CACYBP: variants seen among roughly 807,000 people sequenced by gnomAD.
CACYBP encodes the protein calcyclin-binding protein.
In CACYBP, 11 loss-of-function variants were observed where a neutral mutation model predicts 29.6. The observed-to-expected ratio is 0.37, with a 90% CI of 0.23 to 0.61. CACYBP has a LOEUF of 0.61. CACYBP is among the 20% of genes least tolerant of loss of function. The probability of loss-of-function intolerance (pLI) is 0.65; values close to 1 mark genes in which losing one functional copy is unlikely to be tolerated. For synonymous variants in CACYBP, 73 were observed against 88.3 expected (o/e 0.83, Z 0.97); for missense variants, 163 against 260.7 (o/e 0.63, Z 2.58).
chr1:175,001,207 T>C (rs966819392), intron 1 of CACYBP, among the ~76,000 whole-genome samples: 1 of 152,212 alleles, frequency 6.6e-6, no homozygotes, highest in Admixed American at 6.5e-5. Flanking sequence ...CCCTAGGAGA[T>C]AACTTCACAG....
intron 1 of CACYBP, chr1:175,000,510 C>T (rs902462974): frequency 7.0e-6 from 9 of 1,278,886 alleles, no homozygotes; most frequent in African/African-American, 3.2e-5. Flanking sequence ...CCCTTTCTGC[C>T]CTGGTTTCCC....
At chr1:175,007,494 T>C (rs1333118151) in intron 4 of CACYBP, among the ~76,000 whole-genome samples, 1 of 152,216 alleles carries the variant, frequency 6.6e-6, no homozygotes, top group South Asian at 2.1e-4. Flanking sequence ...TTTTGTAGAA[T>C]AGGCTATTGT....
Position 174,999,990 on chromosome 1 carries a change from T to C in CACYBP, c.-191T>C, listed in dbSNP as rs1013109061. The C allele has an allele frequency of 1.3e-6, 1 of 768,218 alleles. No homozygotes were observed. The highest frequency in any genetic ancestry group is 2.7e-5 in the Admixed American group (1 of 37,304). 47.6% of individuals were successfully genotyped at this position (768,218 alleles called of 1,614,324 possible). On this transcript the variant is annotated 5_prime_UTR_variant, in exon 1 of 6. Coordinates refer to ENST00000367679, the MANE Select transcript of CACYBP (RefSeq NM_014412.3). ...GCGGTGGGCGGTGGCGGCGGCTGCC[T>C]CGCGAAGGTTCGAGATCCGTCGCGT...
chr1:174,999,970 G>GGGCGGT lies in CACYBP; in HGVS notation c.-205_-200dup. On this transcript the variant is annotated 5_prime_UTR_variant, in exon 1 of 6. Transcript: ENST00000367679. ...TTGGCGGGCTGTGCGTGCTCGCGGT[G>GGGCGGT]GGCGGTGGCGGCGGCTGCCTCGCGA... The GGGCGGT allele has an allele frequency of 3.1e-6, 2 of 652,292 alleles. No homozygotes were observed. The highest frequency in any genetic ancestry group is 5.1e-6 in the Non-Finnish European group (2 of 390,394). The allele number at this position is 652,292 out of a possible 1,614,324, so 40.4% of individuals were successfully genotyped here. A position where few individuals can be genotyped will look rare whatever the true frequency, so the allele number is the denominator to read the frequency against.
At chr1:175,004,126 A>G (rs1362767389) in intron 1 of CACYBP, among the ~76,000 whole-genome samples, 1 of 152,164 alleles carries the variant, frequency 6.6e-6, no homozygotes, top group Non-Finnish European at 1.5e-5. Context: ...ATGAAGACCA[A>G]TCAGTGACAG....
chr1:175,008,965 AGG>A (rs933844508), intron 5 of CACYBP: 29 of 377,490 alleles, frequency 7.7e-5, no homozygotes, highest in South Asian at 6.3e-4. Flanking sequence ...GTAGTTTGAG[AGG>A]GGCTTAGGTA....
At chr1:175,006,984 C>G in intron 3 of CACYBP, 114 bp from the exon 4 acceptor site, 6 of 854,956 alleles carry the variant, frequency 7.0e-6, no homozygotes, top group Non-Finnish European at 1.1e-5. Context: ...TGAGCGTTAA[C>G]TGGCCAAATG....
Position 175,000,169 on chromosome 1 carries a change from G to A in CACYBP, c.-12G>A. ...CGGCTGCAGCTCGGGACTTCGGCCTGACCCAGCCCCCATGGCTTCAGAAGA... is the reference window on the plus strand; with the variant it reads ...CGGCTGCAGCTCGGGACTTCGGCCTAACCCAGCCCCCATGGCTTCAGAAGA... On this transcript the variant is annotated 5_prime_UTR_variant, in exon 1 of 6. Transcript: ENST00000367679. 1 of 1,607,074 alleles carries A rather than the reference G, an allele frequency of 6.2e-7. No homozygotes were observed. Among genetic ancestry groups the A allele is most frequent in the Non-Finnish European group, 8.5e-7 (1 of 1,176,804 alleles).
rs1002758364 is a variant in CACYBP, at chr1:175,010,780, AAAGTT to A, written c.*707_*711del. 2.0e-5 allele frequency: 3 copies of A among 152,202 alleles called. No homozygotes were observed. Among genetic ancestry groups the A allele is most frequent in the Non-Finnish European group, 2.9e-5 (2 of 68,044 alleles). 9.4% of individuals were successfully genotyped at this position (152,202 alleles called of 1,614,324 possible). Reference sequence around the variant, plus strand: ...AAGCCCGTCTATTCCTATGCTCAATAAAGTTAAGTTTTTCTTCATTAGAACAGTTT... The same window carrying A: ...AAGCCCGTCTATTCCTATGCTCAATAAAGTTTTTCTTCATTAGAACAGTTT... On this transcript the variant is annotated 3_prime_UTR_variant, in exon 6 of 6. Coordinates refer to ENST00000367679, the MANE Select transcript of CACYBP (RefSeq NM_014412.3).
At chr1:175,007,546 AG>A (rs1672648579) in intron 4 of CACYBP, among the ~76,000 whole-genome samples, 2 of 152,222 alleles carry the variant, frequency 1.3e-5, no homozygotes, top group South Asian at 4.1e-4. Flanking sequence ...AAACGTTTGA[AG>A]GTAGTTAAGA....
intron 3 of CACYBP, 126 bp from the exon 4 acceptor site, chr1:175,006,972 G>T: frequency 1.2e-6 from 1 of 836,886 alleles, no homozygotes; most frequent in South Asian, 1.6e-5. Flanking sequence ...ACTTTGAAGA[G>T]GTGAGCGTTA....
At position 175,000,190 on chromosome 1, in the gene CACYBP, G is replaced by A; in HGVS notation, c.10G>A (p.Glu4Lys). ...GCCTGACCCAGCCCCCATGGCTTCA[G>A]AAGAGGTAAGTGGTCCGGCCCCATA... MAS[E>K]ELQKDLEEVK... Residue 4 changes from glutamate (E) to lysine (K), a missense_variant, in exon 1 of 6, where the codon GAA (glutamate) becomes AAA (lysine). Physicochemically the swap from Glu to Lys is moderately conservative, Grantham distance 56 (BLOSUM62 1). Transcript: ENST00000367679. 6.2e-7 allele frequency: 1 copy of A among 1,608,402 alleles called. No homozygotes were observed. Among genetic ancestry groups the A allele is most frequent in the Non-Finnish European group, 8.5e-7 (1 of 1,177,426 alleles).
intron 4 of CACYBP, among the ~76,000 whole-genome samples, chr1:175,007,862 CAGAT>C (rs1000633641): frequency 2.6e-5 from 4 of 152,144 alleles, no homozygotes; most frequent in African/African-American, 9.7e-5. Flanking sequence ...TTTACTAAAT[CAGAT>C]AGTCCCTGTT....
chr1:175,002,372 A>G (rs1017118577), intron 1 of CACYBP, among the ~76,000 whole-genome samples: 10 of 152,122 alleles, frequency 6.6e-5, no homozygotes, highest in Admixed American at 2.0e-4. Context: ...CGTTTACCCA[A>G]TGATGAAGAT....
At chr1:175,006,957 C>A in intron 3 of CACYBP, 116 bp downstream of exon 3, 1 of 841,562 alleles carries the variant, frequency 1.2e-6, no homozygotes, top group Non-Finnish European at 1.9e-6. Flanking sequence ...TTATCCTTTA[C>A]AACTACTTTG....
chr1:175,009,912 T>C lies in CACYBP; in HGVS notation c.531-11T>C, dbSNP rs1156965550. On this transcript the variant is annotated splice_polypyrimidine_tract_variant and intron_variant, in intron 5 of 5. Coordinates refer to ENST00000367679, the MANE Select transcript of CACYBP (RefSeq NM_014412.3). ...CGTTTCCCCATTGTTGTATATGTTT[T>C]CTTTTTAAAGGAAGCCCTCCTATGA... 1 of 1,600,010 alleles carries C rather than the reference T, an allele frequency of 6.2e-7. No homozygotes were observed. The highest frequency in any genetic ancestry group is 1.4e-5 in the African/African-American group (1 of 73,988).
chr1:175,006,709 GCTTA>G (rs764904365), intron 2 of CACYBP, 32 bp from the exon 3 acceptor site: 20 of 1,043,058 alleles, frequency 1.9e-5, no homozygotes, highest in Non-Finnish European at 2.7e-5. Context: ...AGTTTCAGAG[GCTTA>G]CTTACGTCCC....
At chr1:175,002,728 GT>G (rs1190732458) in intron 1 of CACYBP, among the ~76,000 whole-genome samples, 1 of 152,142 alleles carries the variant, frequency 6.6e-6, no homozygotes, top group African/African-American at 2.4e-5. Flanking sequence ...TCAGTTTTAA[GT>G]TTTTTCAGTG....
upstream of CACYBP, chr1:174,999,637 G>C: frequency 4.5e-6 from 1 of 223,572 alleles, no homozygotes. Flanking sequence ...GTCCTAGAGC[G>C]GACGAAAGCA....
Sources: gnomAD v4.1 joint callset for allele counts (sites outside exome capture counted in the v4.1 genomes callset) on GRCh38, gnomAD v4.1.1 for gene constraint, MANE v1.5 for transcripts, NCBI Gene and HGNC (gene_info 2026-07-23, HGNC 2026-07-21) for gene names.